Variants in CDKN2A observed in about 807,000 individuals in gnomAD.
The protein encoded by CDKN2A is cyclin-dependent kinase inhibitor 2A.
A neutral mutation model predicts 11.1 loss-of-function variants in CDKN2A; 3 were observed. That is an observed-to-expected ratio of 0.27 (90% CI 0.12 to 0.70). The LOEUF is 0.70. CDKN2A is among the 30% of genes least tolerant of loss of function. CDKN2A has a pLI of 0.77. For missense variants in CDKN2A, 265 were observed against 233.6 expected (o/e 1.13, Z -0.88); for synonymous variants, 122 against 108.1 (o/e 1.13, Z -0.80).
Position 21,974,734 on chromosome 9 carries a change from G to C in CDKN2A, c.94C>G (p.Leu32Val), listed in dbSNP as rs745827714. ...RGRVEEVRALLEAGALPNAPN... is the reference protein window; with the variant it reads ...RGRVEEVRALVEAGALPNAPN... ...GCGTTGGGCAGCGCCCCCGCCTCCAGCAGCGCCCGCACCTCCTCTACCCGA... is the reference window on the plus strand; with the variant it reads ...GCGTTGGGCAGCGCCCCCGCCTCCACCAGCGCCCGCACCTCCTCTACCCGA... The change falls in exon 1 of 3, where the codon CTG becomes GTG. Residue 32 changes from leucine to valine, a missense_variant. By Grantham distance (32) the Leu-to-Val change is conservative. Transcript: ENST00000304494. The surrounding 1 kb of genome is among the most constrained non-coding windows in gnomAD (Gnocchi z 5.2). 1.9e-6 allele frequency: 3 copies of C among 1,612,306 alleles called. No individual in the cohort carries two copies. In the Admixed American group the frequency reaches 5.0e-5, roughly 27 times the overall value.
intron 2 of CDKN2A, chr9:21,992,336 CTA>C (rs766150674): frequency 2.8e-5 from 25 of 889,402 alleles, no homozygotes; most frequent in Non-Finnish European, 3.4e-5. Context: ...ATTAACACCG[CTA>C]GATTTTATAT....
Position 21,974,497 on chromosome 9 carries a change from C to T in CDKN2A, c.150+181G>A. On this transcript the variant is annotated intron_variant, in intron 1 of 2. Transcript: ENST00000304494. This position sits in a 1 kb window ranked among gnomAD's most constrained non-coding sequence, Gnocchi z 5.2. ...GCTCCTCATTCCTCTTCCTTGGCTT[C>T]CCAAGCCCCCAGGGCGTCGCCAGGA... The T allele has an allele frequency of 6.2e-7, 1 of 1,613,022 alleles. No individual in the cohort carries two copies.
At chr9:21,986,723 C>T (rs1332853425) in intron 2 of CDKN2A, among the ~76,000 whole-genome samples, 1 of 152,004 alleles carries the variant, frequency 6.6e-6, no homozygotes, top group Non-Finnish European at 1.5e-5. Flanking sequence ...AAAACAATAA[C>T]TTTACCATGT....
chr9:21,989,816 AG>A (rs1257515641), intron 2 of CDKN2A: 2 of 152,232 alleles, frequency 1.3e-5, no homozygotes, highest in Non-Finnish European at 2.9e-5. Context: ...GTGGAACCCC[AG>A]GTCCGCAGTT....
chr9:21,975,723 G>A (rs1365442087), upstream of CDKN2A, among the ~76,000 whole-genome samples: 1 of 152,206 alleles, frequency 6.6e-6, no homozygotes, highest in Non-Finnish European at 1.5e-5. Flanking sequence ...AAAATGGGGA[G>A]GGAGTCATTG....
rs2131137933 is a variant in CDKN2A, at chr9:21,988,742, C to T, written c.-4+5140G>A. ...TGTAATTAACCTGCACATGTGCCCT[C>T]TCCTCCTAAATAAAAGTTGAAAAAA... On this transcript the variant is annotated intron_variant, in intron 2 of 3. Transcript: ENST00000494262. This position sits in a 1 kb window ranked among gnomAD's most constrained non-coding sequence, Gnocchi z 4.1. Among the ~76,000 whole-genome samples the T allele has an allele frequency of 6.6e-6, 1 of 152,220 alleles. No homozygotes were observed. The highest frequency in any genetic ancestry group is 1.5e-5 in the Non-Finnish European group (1 of 68,002).
At position 21,971,110 on chromosome 9, in the gene CDKN2A, G is replaced by C. The variant is rs34968276; in HGVS notation, c.249C>G (p.His83Gln). ...CCAGGAAGCCCTCCCGGGCAGCGTC[G>C]TGCACGGGTCGGGTGAGAGTGGCGG... Reference protein sequence around the residue: ...ADPATLTRPVHDAAREGFLDT... With the variant: ...ADPATLTRPVQDAAREGFLDT... Residue 83 changes from histidine (H) to glutamine (Q), a missense_variant, in exon 2 of 3, where the codon CAC (histidine) becomes CAG (glutamine). By Grantham distance (24) the His-to-Gln change is conservative. Coordinates refer to ENST00000304494, the MANE Select transcript of CDKN2A (RefSeq NM_000077.5). 1 of 1,604,460 alleles carries C rather than the reference G, an allele frequency of 6.2e-7. No homozygotes were observed. The highest frequency in any genetic ancestry group is 8.5e-7 in the Non-Finnish European group (1 of 1,179,550).
At chr9:21,986,860 C>T (rs3731210) in intron 2 of CDKN2A, among the ~76,000 whole-genome samples, 159 of 152,094 alleles carry the variant, frequency 1.0e-3, no homozygotes, top group African/African-American at 3.7e-3. Context: ...GGACATTTAA[C>T]AATTAGATGT....
chr9:21,974,414 TAC>T lies in CDKN2A; in HGVS notation c.150+262_150+263del. 2 of 1,602,496 alleles carry T rather than the reference TAC, an allele frequency of 1.2e-6. No individual in the cohort carries two copies. The highest frequency in any genetic ancestry group is 2.2e-5 in the South Asian group (2 of 90,080). On this transcript the variant is annotated intron_variant, in intron 1 of 2. Coordinates refer to ENST00000304494, the MANE Select transcript of CDKN2A (RefSeq NM_000077.5). This position sits in a 1 kb window ranked among gnomAD's most constrained non-coding sequence, Gnocchi z 5.2. Reference sequence around the variant, plus strand: ...TGATAAAGAGCATACTTCCATCTAATACAAATATGTTCCCCCCTTCAGATCTT... The same window carrying T: ...TGATAAAGAGCATACTTCCATCTAATAAATATGTTCCCCCCTTCAGATCTT...
chr9:21,970,867 C>G (rs771080997), intron 2 of CDKN2A, 35 bp downstream of exon 2: 1 of 1,606,262 alleles, frequency 6.2e-7, no homozygotes, highest in East Asian at 2.2e-5. Context: ...TTTGGAAGCT[C>G]TCAGGGTACA....
chr9:21,971,189 G>C lies in CDKN2A; in HGVS notation c.170C>G (p.Ala57Gly), dbSNP rs372266620. 22 of 1,597,598 alleles carry C rather than the reference G, an allele frequency of 1.4e-5. No homozygotes were observed. The highest frequency in any genetic ancestry group is 1.7e-5 in the Non-Finnish European group (20 of 1,178,892). Residue 57 changes from alanine (A) to glycine (G), a missense_variant, in exon 2 of 3, where the codon GCC becomes GGC. By Grantham distance (60) the Ala-to-Gly change is moderately conservative. Transcript: ENST00000304494. ...RPIQVMMMGS[A>G]RVAELLLLHG... Reference sequence around the variant, plus strand: ...GAGCAGCAGCAGCTCCGCCACTCGGGCGCTGCCCATCATCATGACCTGCCA... The same window carrying C: ...GAGCAGCAGCAGCTCCGCCACTCGGCCGCTGCCCATCATCATGACCTGCCA...
upstream of CDKN2A, among the ~76,000 whole-genome samples, chr9:21,979,830 A>G (rs998818110): frequency 6.6e-6 from 1 of 152,152 alleles, no homozygotes; most frequent in South Asian, 2.1e-4. Context: ...CACAGTAGGG[A>G]CACCTGATTA....
rs1820433669 is a variant in CDKN2A at position 21,991,679 on chromosome 9, G to A, written c.-4+2203C>T. On this transcript the variant is annotated intron_variant, in intron 2 of 3. Transcript: ENST00000494262. The surrounding 1 kb of genome is among the most constrained non-coding windows in gnomAD (Gnocchi z 5.2). ...AGTGATGAACTAACGTGGAATAATAGATCTGTAAACCATCATAGACGGTAA... is the reference window on the plus strand; with the variant it reads ...AGTGATGAACTAACGTGGAATAATAAATCTGTAAACCATCATAGACGGTAA... 1 of 984,210 alleles carries A rather than the reference G, an allele frequency of 1.0e-6. No homozygotes were observed. Among genetic ancestry groups the A allele is most frequent in the Non-Finnish European group, 1.2e-6 (1 of 828,848 alleles). The allele number at this position is 984,210 out of a possible 1,614,324, so 61.0% of individuals were successfully genotyped here. A position where few individuals can be genotyped will look rare whatever the true frequency, so the allele number is the denominator to read the frequency against.
chr9:21,990,611 T>TGAGAGAGAGAGACAGAGA (rs1554658808), intron 2 of CDKN2A, among the ~76,000 whole-genome samples: 1 of 89,676 alleles, frequency 1.1e-5, no homozygotes. Flanking sequence ...ACTAATTTGG[T>TGAGAGAGAGAGACAGAGA]GAGAGAGAGA....
At position 21,974,197 on chromosome 9, in the gene CDKN2A, T is replaced by C. The variant is rs1819911654; in HGVS notation, c.150+481A>G. On this transcript the variant is annotated intron_variant, in intron 1 of 2. Transcript: ENST00000304494. The surrounding 1 kb of genome is among the most constrained non-coding windows in gnomAD (Gnocchi z 5.2). ...GTGAGGCACCGCGCCCGGCCGCTTC[T>C]GAATAATTTCGATCAAAATTTATAT... is the stretch of plus-strand genomic sequence containing the variant. Among the ~76,000 whole-genome samples the C allele has an allele frequency of 1.3e-5, 2 of 152,218 alleles. No individual in the cohort carries two copies. The highest frequency in any genetic ancestry group is 1.3e-4 in the Admixed American group (2 of 15,282).
At chr9:21,990,437 T>C (rs1563900232) in intron 2 of CDKN2A, among the ~76,000 whole-genome samples, 1 of 152,152 alleles carries the variant, frequency 6.6e-6, no homozygotes, top group Non-Finnish European at 1.5e-5. Flanking sequence ...GAGAAGCTCT[T>C]AGTTCATCCA....
intron 2 of CDKN2A, chr9:21,969,453 G>A: frequency 3.1e-6 from 1 of 322,128 alleles, no homozygotes; most frequent in Non-Finnish European, 5.6e-6. Context: ...CCACCACCTA[G>A]AACAGGGCTG....
chr9:21,991,726 T>C lies in CDKN2A; in HGVS notation c.-4+2156A>G, dbSNP rs1430384863. The C allele has an allele frequency of 4.1e-6, 4 of 984,028 alleles. No homozygotes were observed. Among genetic ancestry groups the C allele is most frequent in the African/African-American group, 1.7e-5 (1 of 57,182 alleles). 61.0% of individuals were successfully genotyped at this position (984,028 alleles called of 1,614,324 possible). A position where few individuals can be genotyped will look rare whatever the true frequency, so the allele number is the denominator to read the frequency against. Reference sequence around the variant, plus strand: ...GTAATAGGCTATGTTGTTGCTACCTTAGGATCATAATGGACTTTCTAAAAT... The same window carrying C: ...GTAATAGGCTATGTTGTTGCTACCTCAGGATCATAATGGACTTTCTAAAAT... On this transcript the variant is annotated intron_variant, in intron 2 of 3. Coordinates refer to the CDKN2A transcript ENST00000494262. This position sits in a 1 kb window ranked among gnomAD's most constrained non-coding sequence, Gnocchi z 5.2.
At chr9:21,975,722 A>T (rs756981058), upstream of CDKN2A, among the ~76,000 whole-genome samples, 10 of 152,176 alleles carry the variant, frequency 6.6e-5, no homozygotes, top group Non-Finnish European at 1.5e-4. Flanking sequence ...GAAAATGGGG[A>T]GGGAGTCATT....
Sources: gnomAD v4.1 joint callset for allele counts (sites outside exome capture counted in the v4.1 genomes callset) on GRCh38, gnomAD v4.1.1 for gene constraint, Gnocchi (gnomAD v3.1) non-coding constraint, MANE v1.5 for transcripts, NCBI Gene and HGNC (gene_info 2026-07-23, HGNC 2026-07-21) for gene names.